The following UBE2O variants were observed in gnomAD, a reference collection of about 807,000 sequenced individuals.
UBE2O encodes the protein ubiquitin conjugating enzyme E2 O.
A neutral mutation model predicts 125.8 loss-of-function variants in UBE2O; 15 were observed. That is an observed-to-expected ratio of 0.12 (90% CI 0.08 to 0.18). The LOEUF (loss-of-function observed/expected upper bound fraction) is 0.18, where lower values mean the gene tolerates loss of function less well. UBE2O is among the 10% of genes least tolerant of loss of function. The pLI, the probability that UBE2O is intolerant of heterozygous loss-of-function variation, is 1.00. For missense variants in UBE2O, 1,280 were observed against 1,723.6 expected, an observed-to-expected ratio of 0.74 and a Z score of 4.56; for synonymous variants, 708 against 703.2, an observed-to-expected ratio of 1.01 and a Z score of -0.11.
At chr17:76,409,259 C>CCCCTG in intron 1 of UBE2O, among the ~76,000 whole-genome samples, 1 of 152,018 alleles carries the variant, frequency 6.6e-6, no homozygotes, top group South Asian at 2.1e-4. Context: ...TGAGCCACCG[C>CCCCTG]GCCCAGCCTA....
chr17:76,395,478 C>T lies in UBE2O; in HGVS notation c.2946+247G>A, dbSNP rs1461364684. ...AAGTGCTGGGATTACGGGTGTGAGCCACTGCGCCCGGCCGAGAAAGTAATT... is the reference window on the plus strand; with the variant it reads ...AAGTGCTGGGATTACGGGTGTGAGCTACTGCGCCCGGCCGAGAAAGTAATT... On this transcript the variant is annotated intron_variant, in intron 15 of 17. Coordinates refer to ENST00000319380, the MANE Select transcript of UBE2O (RefSeq NM_022066.4). The surrounding 1 kb of genome is among the most constrained non-coding windows in gnomAD (Gnocchi z 5.0). The T allele has an allele frequency of 2.4e-6, 1 of 424,350 alleles. No individual in the cohort carries two copies. The highest frequency in any genetic ancestry group is 4.2e-6 in the Non-Finnish European group (1 of 238,284). The allele number at this position is 424,350 out of a possible 1,614,324, so 26.3% of individuals were successfully genotyped here. A position where few individuals can be genotyped will look rare whatever the true frequency, so the allele number is the denominator to read the frequency against.
At chr17:76,414,696 A>G (rs1325157408) in intron 1 of UBE2O, among the ~76,000 whole-genome samples, 2 of 152,226 alleles carry the variant, frequency 1.3e-5, no homozygotes, top group Non-Finnish European at 2.9e-5. Flanking sequence ...AAGGGGACTG[A>G]GTCCAACTGC....
At position 76,399,978 on chromosome 17, in the gene UBE2O, C is replaced by A; in HGVS notation, c.1156-57G>T. ...TGAGGTGCACCTGGGCAGGCCTGGC[C>A]CTAGGCATCTCAGGCTGGGGGGATG... On this transcript the variant is annotated intron_variant, in intron 8 of 17. Transcript: ENST00000319380. This position sits in a 1 kb window ranked among gnomAD's most constrained non-coding sequence, Gnocchi z 6.9. 1 of 1,546,474 alleles carries A rather than the reference C, an allele frequency of 6.5e-7. No homozygotes were observed. Among genetic ancestry groups the A allele is most frequent in the African/African-American group, 1.4e-5 (1 of 73,114 alleles).
At position 76,391,338 on chromosome 17, in the gene UBE2O, C is replaced by T. The variant is rs142843663; in HGVS notation, c.3484G>A (p.Val1162Met). 1 of 1,613,140 alleles carries T rather than the reference C, an allele frequency of 6.2e-7. No homozygotes were observed. Among genetic ancestry groups the T allele is most frequent in the East Asian group, 2.2e-5 (1 of 44,866 alleles). Residue 1162 changes from valine (V) to methionine (M), a missense_variant, in exon 18 of 18, where the codon GTG (valine) becomes ATG (methionine). Transcript: ENST00000319380. The surrounding 1 kb of genome is among the most constrained non-coding windows in gnomAD (Gnocchi z 8.4). ...LEKAQALPNG[V>M]PKASSSPEPP... The stretch of plus-strand genomic sequence containing the variant: ...TCTGGCGAGCTGCTGGCCTTGGGCA[C>T]CCCGTTGGGCAGTGCCTGGGCCTTC...
intron 1 of UBE2O, among the ~76,000 whole-genome samples, chr17:76,439,339 C>T (rs2073045788): frequency 6.6e-6 from 1 of 152,200 alleles, no homozygotes; most frequent in African/African-American, 2.4e-5. Flanking sequence ...TCTTCCACCC[C>T]ACCTCTAGCT....
chr17:76,399,376 C>T lies in UBE2O; in HGVS notation c.1628+73G>A, dbSNP rs1160180971. The T allele has an allele frequency of 1.4e-5, 20 of 1,446,628 alleles. No homozygotes were observed. The highest frequency in any genetic ancestry group is 1.7e-5 in the Non-Finnish European group (18 of 1,045,934). The allele number at this position is 1,446,628 out of a possible 1,614,324, so 89.6% of individuals were successfully genotyped here. On this transcript the variant is annotated intron_variant, in intron 9 of 17. Transcript: ENST00000319380. The surrounding 1 kb of genome is among the most constrained non-coding windows in gnomAD (Gnocchi z 6.9). ...AGGTGTGTGTGCGAGCGCAGGCACG[C>T]ACACCGAGGGGACGCGCACTCTGCC... is the stretch of plus-strand genomic sequence containing the variant.
intron 1 of UBE2O, among the ~76,000 whole-genome samples, chr17:76,420,816 T>A (rs904762394): frequency 6.6e-6 from 1 of 152,140 alleles, no homozygotes; most frequent in East Asian, 1.9e-4. Context: ...ACTGTTTATG[T>A]CTGTGGCCAC....
chr17:76,392,042 G>C lies in UBE2O; in HGVS notation c.3018C>G (p.Ile1006Met), dbSNP rs1422696382. 7.1e-7 allele frequency: 1 copy of C among 1,407,636 alleles called. No homozygotes were observed. The highest frequency in any genetic ancestry group is 9.5e-7 in the Non-Finnish European group (1 of 1,055,844). The allele number at this position is 1,407,636 out of a possible 1,614,324, so 87.2% of individuals were successfully genotyped here. The change falls in exon 16 of 18, where the codon ATC (isoleucine) becomes ATG (methionine). Residue 1006 changes from isoleucine (I) to methionine (M), a missense_variant. Coordinates refer to ENST00000319380, the MANE Select transcript of UBE2O (RefSeq NM_022066.4). ...CGGCTGGGTAGATGTTGGGGAGCTG[G>C]ATGTCAAACAAGTAGAGGCCATCCT... ...PYEDGLYLFD[I>M]QLPNIYPAVP...
At position 76,452,612 on chromosome 17, in the gene UBE2O, C is replaced by T; in HGVS notation, c.417+113G>A. On this transcript the variant is annotated intron_variant, in intron 1 of 17. Coordinates refer to ENST00000319380, the MANE Select transcript of UBE2O (RefSeq NM_022066.4). The surrounding 1 kb of genome is among the most constrained non-coding windows in gnomAD (Gnocchi z 4.4). ...CTCCACTGGGGCTGTCCTCCCGCGTCGGCCACTGCAGTGGCACCGCTCCGG... is the reference window on the plus strand; with the variant it reads ...CTCCACTGGGGCTGTCCTCCCGCGTTGGCCACTGCAGTGGCACCGCTCCGG... The T allele has an allele frequency of 1.0e-6, 1 of 1,002,464 alleles. No individual in the cohort carries two copies. The highest frequency in any genetic ancestry group is 1.3e-6 in the Non-Finnish European group (1 of 763,748). The allele number at this position is 1,002,464 out of a possible 1,614,324, so 62.1% of individuals were successfully genotyped here.
chr17:76,410,054 G>A lies in UBE2O; in HGVS notation c.418-4482C>T, dbSNP rs1021752098. ...GCTTACCAAGCAGGGAGGAGTAGCT[G>A]TCAAGGTGCTGGGTGGGGTGACTGG... On this transcript the variant is annotated intron_variant, in intron 1 of 17. Transcript: ENST00000319380. This position sits in a 1 kb window ranked among gnomAD's most constrained non-coding sequence, Gnocchi z 4.0. Among the ~76,000 whole-genome samples the A allele has an allele frequency of 1.3e-5, 2 of 152,154 alleles. No homozygotes were observed. Among genetic ancestry groups the A allele is most frequent in the Non-Finnish European group, 2.9e-5 (2 of 68,020 alleles).
Position 76,399,073 on chromosome 17 carries a change from G to T in UBE2O, c.1629-82C>A. ...GCAGAGAGTCTTTCTGTCCCTTCCT[G>T]TCCCTGTGGGCTTGGTAACCTGAAA... On this transcript the variant is annotated intron_variant, in intron 9 of 17. Transcript: ENST00000319380. This position sits in a 1 kb window ranked among gnomAD's most constrained non-coding sequence, Gnocchi z 6.9. 1 of 1,517,602 alleles carries T rather than the reference G, an allele frequency of 6.6e-7. No homozygotes were observed. The highest frequency in any genetic ancestry group is 8.9e-7 in the Non-Finnish European group (1 of 1,128,276). The allele number at this position is 1,517,602 out of a possible 1,614,324, so 94.0% of individuals were successfully genotyped here.
intron 1 of UBE2O, among the ~76,000 whole-genome samples, chr17:76,411,826 C>T (rs879794791): frequency 6.6e-6 from 1 of 152,184 alleles, no homozygotes; most frequent in Non-Finnish European, 1.5e-5. Context: ...GCTGGGACTA[C>T]AGGCACATGC....
In UBE2O at chr17:76,395,903, C is replaced by T. The variant is rs1473847962; in HGVS notation, c.2810-42G>A. ...AATAGTCAGTCCCTCATGGAGAGGCCCTGGAGCTCCATCTGCCAACCTGGC... is the reference window on the plus strand; with the variant it reads ...AATAGTCAGTCCCTCATGGAGAGGCTCTGGAGCTCCATCTGCCAACCTGGC... On this transcript the variant is annotated intron_variant, in intron 14 of 17. Transcript: ENST00000319380. The surrounding 1 kb of genome is among the most constrained non-coding windows in gnomAD (Gnocchi z 5.0). The T allele has an allele frequency of 1.2e-6, 2 of 1,610,742 alleles. No individual in the cohort carries two copies. Among genetic ancestry groups the T allele is most frequent in the African/African-American group, 1.3e-5 (1 of 74,704 alleles).
At chr17:76,394,090 C>T (rs1198902376) in intron 15 of UBE2O, among the ~76,000 whole-genome samples, 1 of 152,230 alleles carries the variant, frequency 6.6e-6, no homozygotes, top group African/African-American at 2.4e-5. Flanking sequence ...GAATCTCAAG[C>T]AGCACTGGGC....
Position 76,402,231 on chromosome 17 carries a change from A to G in UBE2O, c.687-104T>C. ...GCGCCCACATGCCCTAAATAGCACA[A>G]TTCGTCTTCTACCATCAACTCAGCC... On this transcript the variant is annotated intron_variant, in intron 4 of 17. Transcript: ENST00000319380. This position sits in a 1 kb window ranked among gnomAD's most constrained non-coding sequence, Gnocchi z 5.4. 8 of 1,025,770 alleles carry G rather than the reference A, an allele frequency of 7.8e-6. No homozygotes were observed. The highest frequency in any genetic ancestry group is 1.0e-5 in the Non-Finnish European group (7 of 685,574). 63.5% of individuals were successfully genotyped at this position (1,025,770 alleles called of 1,614,324 possible).
rs563866108 is a variant in UBE2O at position 76,420,564 on chromosome 17, T to A, written c.418-14992A>T. Among the ~76,000 whole-genome samples, 53 of 152,242 alleles carry A rather than the reference T, an allele frequency of 3.5e-4. 1 individual carries two copies. In the South Asian group the frequency reaches 7.3e-3, roughly 21 times the overall value. ...CACTGGCAGGTTTCATGACCCACCC[T>A]GGAATGACTATGTCAAAACAATGAT... On this transcript the variant is annotated intron_variant, in intron 1 of 17. Transcript: ENST00000319380.
rs1428214044 is a variant in UBE2O, at chr17:76,416,424, G to A, written c.418-10852C>T. 2.0e-5 allele frequency among the ~76,000 whole-genome samples: 3 copies of A among 152,066 alleles called. No individual in the cohort carries two copies. The South Asian group carries it at 6.2e-4, about 32-fold the overall frequency. On this transcript the variant is annotated intron_variant, in intron 1 of 17. Transcript: ENST00000319380. The stretch of plus-strand genomic sequence containing the variant: ...ACCCCCCAGAGAAACAGCTAAAAGG[G>A]ACTGCATCCCTCTGAGCTGCTTCTG...
In UBE2O at chr17:76,398,596, G is replaced by A. The variant is rs755499583; in HGVS notation, c.1784-12C>T. ...TGGACAGCTCTGGACTAGGGAACCA[G>A]AGAAAGGGAAGTGACTAGCTAAGGG... On this transcript the variant is annotated splice_polypyrimidine_tract_variant and intron_variant, in intron 10 of 17. Transcript: ENST00000319380. This position sits in a 1 kb window ranked among gnomAD's most constrained non-coding sequence, Gnocchi z 5.4. The A allele has an allele frequency of 2.5e-6, 4 of 1,612,574 alleles. No homozygotes were observed. The South Asian group carries it at 4.4e-5, about 18-fold the overall frequency.
Position 76,397,906 on chromosome 17 carries a change from C to T in UBE2O, c.2026-18G>A, listed in dbSNP as rs1253179563. 6.2e-7 allele frequency: 1 copy of T among 1,613,438 alleles called. No individual in the cohort carries two copies. The highest frequency in any genetic ancestry group is 8.5e-7 in the Non-Finnish European group (1 of 1,179,796). Reference sequence around the variant, plus strand: ...ACCGATGGCTGCTGGGCAAAGGGGACAAAGTCAGGGGGCCCAGCTCAAGCT... The same window carrying T: ...ACCGATGGCTGCTGGGCAAAGGGGATAAAGTCAGGGGGCCCAGCTCAAGCT... On this transcript the variant is annotated intron_variant, in intron 12 of 17. Coordinates refer to ENST00000319380, the MANE Select transcript of UBE2O (RefSeq NM_022066.4).
Sources: allele counts gnomAD v4.1 joint callset (sites outside exome capture counted in the v4.1 genomes callset), GRCh38; gene constraint gnomAD v4.1.1; non-coding constraint Gnocchi (gnomAD v3.1); transcripts MANE v1.5; gene names NCBI Gene and HGNC (gene_info 2026-07-23, HGNC 2026-07-21).